The following TENT4B variants were observed in gnomAD, a reference collection of about 807,000 sequenced individuals.
TENT4B encodes PAP associated domain containing 5.
TENT4B carries 10 observed loss-of-function variants against 75.0 expected under a neutral mutation model. That is an observed-to-expected ratio of 0.13 (90% CI 0.08 to 0.23). The LOEUF is 0.23. Ranked by LOEUF, TENT4B falls within the 10% of genes least tolerant of loss-of-function variation. The pLI is 1.00. For synonymous variants in TENT4B, 350 were observed against 357.7 expected, an observed-to-expected ratio of 0.98 and a Z score of 0.24; for missense variants, 579 against 893.8, an observed-to-expected ratio of 0.65 and a Z score of 4.49.
At chr16:50,193,489 C>G (rs747676870) in intron 1 of TENT4B, among the ~76,000 whole-genome samples, 13 of 151,946 alleles carry the variant, frequency 8.6e-5, no homozygotes, top group Admixed American at 8.5e-4. Flanking sequence ...AGGTGCCCAC[C>G]GCCACGCCCG....
intron 2 of TENT4B, among the ~76,000 whole-genome samples, chr16:50,211,965 G>C (rs1567506916): frequency 6.6e-6 from 1 of 152,228 alleles, no homozygotes; most frequent in East Asian, 1.9e-4. Flanking sequence ...TCTCAGACCA[G>C]CTAATTGCCT....
At position 50,231,648 on chromosome 16, in the gene TENT4B, G is replaced by T. The variant is rs1433477058; in HGVS notation, c.*2320G>T. ...TTGGGAAAATAGTTTTTCCTGTACT[G>T]CTGAAGTTTCTTTTTGGTAAACAGT... On this transcript the variant is annotated 3_prime_UTR_variant, in exon 12 of 12. Transcript: ENST00000561678. The T allele has an allele frequency of 1.0e-6, 1 of 985,656 alleles. No individual in the cohort carries two copies. Among genetic ancestry groups the T allele is most frequent in the Non-Finnish European group, 1.2e-6 (1 of 829,906 alleles). 61.1% of individuals were successfully genotyped at this position (985,656 alleles called of 1,614,324 possible).
At chr16:50,212,039 G>A (rs139382338) in intron 2 of TENT4B, among the ~76,000 whole-genome samples, 15 of 152,138 alleles carry the variant, frequency 9.9e-5, no homozygotes, top group African/African-American at 2.9e-4. Flanking sequence ...CTTATTTGTC[G>A]TTTTTGTTAC....
chr16:50,176,614 C>T (rs1247136784), intron 1 of TENT4B, among the ~76,000 whole-genome samples: 3 of 139,942 alleles, frequency 2.1e-5, no homozygotes, highest in African/African-American at 8.1e-5. Flanking sequence ...TCAAGTAATT[C>T]TCCTGCCTCA....
chr16:50,220,212 C>G (rs2031762824), intron 5 of TENT4B, among the ~76,000 whole-genome samples: 1 of 151,956 alleles, frequency 6.6e-6, no homozygotes, highest in African/African-American at 2.4e-5. Flanking sequence ...TGGTCTCAAA[C>G]CCTGACCTCA....
At chr16:50,178,424 A>T (rs1414041953) in intron 1 of TENT4B, among the ~76,000 whole-genome samples, 1 of 152,078 alleles carries the variant, frequency 6.6e-6, no homozygotes, top group African/African-American at 2.4e-5. Context: ...AGCCTGGGCA[A>T]CAGAGTGAAA....
intron 1 of TENT4B, among the ~76,000 whole-genome samples, chr16:50,160,224 T>TC (rs2037977781): frequency 6.6e-6 from 1 of 152,220 alleles, no homozygotes; most frequent in Admixed American, 6.5e-5. Flanking sequence ...TTCCACAACT[T>TC]CCATCTTTTA....
rs1245806399 is a variant in TENT4B at position 50,230,794 on chromosome 16, TTAATA to T, written c.*1472_*1476del. ...GAGTTTGAAACTCAGTTGGGAATAT[TTAATA>T]TAATAGAATGTAAGTGACATTTCTG... is the stretch of plus-strand genomic sequence containing the variant. On this transcript the variant is annotated 3_prime_UTR_variant, in exon 12 of 12. Coordinates refer to ENST00000561678, the MANE Select transcript of TENT4B (RefSeq NM_001365324.3). 11 of 985,728 alleles carry T rather than the reference TTAATA, an allele frequency of 1.1e-5. 1 individual carries two copies. The highest frequency in any genetic ancestry group is 1.0e-3 in the Middle Eastern group (2 of 1,914). 61.1% of individuals were successfully genotyped at this position (985,728 alleles called of 1,614,324 possible).
At chr16:50,208,209 A>G (rs2031089626) in intron 1 of TENT4B, among the ~76,000 whole-genome samples, 1 of 152,172 alleles carries the variant, frequency 6.6e-6, no homozygotes, top group Non-Finnish European at 1.5e-5. Context: ...ATATGCATCA[A>G]TCAAAATACA....
chr16:50,183,157 C>T (rs1452243602), intron 1 of TENT4B, among the ~76,000 whole-genome samples: 1 of 151,906 alleles, frequency 6.6e-6, no homozygotes, highest in East Asian at 1.9e-4. Flanking sequence ...GATTCTTCTG[C>T]CTCAGCCTCC....
rs1388809988 is a variant in TENT4B, at chr16:50,232,406, A to T, written c.*3078A>T. 63 of 985,140 alleles carry T rather than the reference A, an allele frequency of 6.4e-5. No individual in the cohort carries two copies. The highest frequency in any genetic ancestry group is 7.6e-5 in the Non-Finnish European group (63 of 829,886). 61.0% of individuals were successfully genotyped at this position (985,140 alleles called of 1,614,324 possible). On this transcript the variant is annotated 3_prime_UTR_variant, in exon 12 of 12. Transcript: ENST00000561678. Reference sequence around the variant, plus strand: ...TTTGAGCCTCATTAATATTTAGGTTATTTGATTTGGCTCCAGATATTCCTA... The same window carrying T: ...TTTGAGCCTCATTAATATTTAGGTTTTTTGATTTGGCTCCAGATATTCCTA...
At position 50,154,077 on chromosome 16, in the gene TENT4B, T is replaced by A. The variant is rs1246039721; in HGVS notation, c.456T>A (p.Asp152Glu). ...CCGTCCCCGCCGCCGATCCAGCCGA[T>A]TCGGCCTCGGGCAGCAGCAACAAGA... The part of the protein sequence containing the change: ...SAAVPAADPA[D>E]SASGSSNKRK... Residue 152 changes from aspartate to glutamate, a missense_variant, in exon 1 of 12, where the codon GAT (aspartate) becomes GAA (glutamate). Asp to Glu is a conservative substitution (Grantham distance 45, BLOSUM62 2). Transcript: ENST00000561678. 1 of 1,529,834 alleles carries A rather than the reference T, an allele frequency of 6.5e-7. No individual in the cohort carries two copies. Among genetic ancestry groups the A allele is most frequent in the African/African-American group, 1.4e-5 (1 of 72,528 alleles). 94.8% of individuals were successfully genotyped at this position (1,529,834 alleles called of 1,614,324 possible).
intron 1 of TENT4B, among the ~76,000 whole-genome samples, chr16:50,154,872 G>A (rs7184864): frequency 0.75 from 114,184 of 152,048 alleles, 43,422 homozygotes; most frequent in Non-Finnish European, 0.8. Context: ...AAATTCCCAT[G>A]TCACAGATGC....
At chr16:50,191,402 ATGGCT>A (rs2038636011) in intron 1 of TENT4B, among the ~76,000 whole-genome samples, 1 of 152,136 alleles carries the variant, frequency 6.6e-6, no homozygotes, top group East Asian at 1.9e-4. Flanking sequence ...AGCCATCCTA[ATGGCT>A]ACTTTTAAAG....
chr16:50,198,373 C>T lies in TENT4B; in HGVS notation c.639-12950C>T, dbSNP rs143481673. Among the ~76,000 whole-genome samples the T allele has an allele frequency of 2.5e-3, 366 of 147,202 alleles. 3 individuals carry two copies. In the East Asian group the frequency reaches 0.031, roughly 13 times the overall value. On this transcript the variant is annotated intron_variant, in intron 1 of 11. Transcript: ENST00000561678. ...AGCACAGGTTATAGTGAGCTGAGAT[C>T]ACGCCACTGCACTCCAGCCTGGGTG...
At chr16:50,161,990 C>A (rs78422839) in intron 1 of TENT4B, among the ~76,000 whole-genome samples, 6,050 of 152,184 alleles carry the variant, frequency 0.04, 150 homozygotes, top group Non-Finnish European at 0.061. Context: ...CTTCCAGCAA[C>A]CACTAATCTG....
chr16:50,199,814 T>A (rs1032156046), intron 1 of TENT4B, among the ~76,000 whole-genome samples: 2 of 152,206 alleles, frequency 1.3e-5, no homozygotes, highest in African/African-American at 2.4e-5. Flanking sequence ...ATTTAAAAAA[T>A]TTTTTAAGAC....
intron 1 of TENT4B, among the ~76,000 whole-genome samples, chr16:50,166,544 A>T (rs1038296791): frequency 5.3e-5 from 8 of 152,174 alleles, no homozygotes; most frequent in African/African-American, 1.9e-4. Flanking sequence ...AGAAATATCT[A>T]TTCAAATCTT....
rs146799786 is a variant in TENT4B, at chr16:50,160,629, C to T, written c.638+6370C>T. ...GAATTTAAGGGCTCCGTTGGTGATA[C>T]GGAACTGATCAGATGGTTCTCACTT... is the stretch of plus-strand genomic sequence containing the variant. On this transcript the variant is annotated intron_variant, in intron 1 of 11. Transcript: ENST00000561678. 5.3e-5 allele frequency among the ~76,000 whole-genome samples: 8 copies of T among 152,282 alleles called. No individual in the cohort carries two copies. The East Asian group carries it at 1.3e-3, about 26-fold the overall frequency.
Sources: gnomAD v4.1 joint callset for allele counts (sites outside exome capture counted in the v4.1 genomes callset) on GRCh38, gnomAD v4.1.1 for gene constraint, MANE v1.5 for transcripts, NCBI Gene and HGNC (gene_info 2026-07-23, HGNC 2026-07-21) for gene names.